The following MECOM variants were observed in gnomAD, a reference collection of about 807,000 sequenced individuals.
MECOM encodes MDS1 and EVI1 complex locus, also known as histone-lysine N-methyltransferase MECOM.
A neutral mutation model predicts 116.3 loss-of-function variants in MECOM; 13 were observed. The observed-to-expected ratio is 0.11, with a 90% CI of 0.07 to 0.18. The LOEUF (loss-of-function observed/expected upper bound fraction) is 0.18. Ranked by LOEUF, MECOM falls within the 10% of genes least tolerant of loss-of-function variation. MECOM has a pLI of 1.00. For missense variants in MECOM, 1,299 were observed against 1,509.0 expected, an observed-to-expected ratio of 0.86 and a Z score of 2.31; for synonymous variants, 528 against 535.2, an observed-to-expected ratio of 0.99 and a Z score of 0.19.
At chr3:169,102,330 G>A (rs1340478027) in intron 10 of MECOM, 104 bp from the exon 11 acceptor site, 10 of 1,049,998 alleles carry the variant, frequency 9.5e-6, no homozygotes, top group East Asian at 2.5e-5. Context: ...TGAAATCTGC[G>A]ACGGGTTGTA....
chr3:169,147,716 G>A, intron 2 of MECOM: 1 of 705,088 alleles, frequency 1.4e-6, no homozygotes, highest in Non-Finnish European at 1.6e-6. Flanking sequence ...CACAAGTGTG[G>A]TGTGTGTGTG....
chr3:169,289,503 T>C (rs1227254687), intron 2 of MECOM, among the ~76,000 whole-genome samples: 1 of 152,244 alleles, frequency 6.6e-6, no homozygotes. Context: ...TGAACCTCTT[T>C]GCTTTGTGCA....
At chr3:169,139,971 A>G (rs1737606384) in intron 3 of MECOM, among the ~76,000 whole-genome samples, 1 of 152,136 alleles carries the variant, frequency 6.6e-6, no homozygotes, top group Admixed American at 6.6e-5. Flanking sequence ...TTAAAAAAAA[A>G]AAACAATATA....
intron 1 of MECOM, among the ~76,000 whole-genome samples, chr3:169,407,815 A>G (rs931796526): frequency 6.6e-6 from 1 of 152,192 alleles, no homozygotes; most frequent in African/African-American, 2.4e-5. Context: ...GAGTCTTTAT[A>G]TTGTTATATG....
intron 2 of MECOM, among the ~76,000 whole-genome samples, chr3:169,193,024 T>C (rs1029822315): frequency 6.6e-6 from 1 of 151,904 alleles, no homozygotes; most frequent in Non-Finnish European, 1.5e-5. Context: ...AGGGGTAATA[T>C]CGAAATGACA....
intron 4 of MECOM, among the ~76,000 whole-genome samples, chr3:169,129,007 CT>C (rs559407609): frequency 3.2e-4 from 49 of 152,300 alleles, no homozygotes; most frequent in Admixed American, 8.5e-4. Flanking sequence ...CATAATCCCT[CT>C]TTTATAGACC....
chr3:169,303,525 A>G (rs746682538), intron 2 of MECOM, among the ~76,000 whole-genome samples: 11 of 152,218 alleles, frequency 7.2e-5, no homozygotes, highest in Non-Finnish European at 1.3e-4. Flanking sequence ...TGAACACTCA[A>G]GTGTAAGATA....
At chr3:169,157,236 G>GC (rs534050247) in intron 2 of MECOM, among the ~76,000 whole-genome samples, 238 of 152,248 alleles carry the variant, frequency 1.6e-3, no homozygotes, top group Middle Eastern at 3.4e-3. Flanking sequence ...CAGAATAATT[G>GC]CCCCACCCCA....
At chr3:169,097,817 T>TATTAAAAAAAAAAAAA (rs1553818439) in intron 12 of MECOM, among the ~76,000 whole-genome samples, 2 of 87,216 alleles carry the variant, frequency 2.3e-5, no homozygotes, top group South Asian at 9.1e-4. Flanking sequence ...ACTGTCTATA[T>TATTAAAAAAAAAAAAA]AAAAAAAAAA....
intron 12 of MECOM, among the ~76,000 whole-genome samples, chr3:169,096,986 G>A (rs1576878136): frequency 6.7e-6 from 1 of 149,388 alleles, no homozygotes; most frequent in South Asian, 2.1e-4. Flanking sequence ...TTTTAAATGC[G>A]TATAAAGTTA....
chr3:169,562,882 T>A (rs1454510526), intron 1 of MECOM, among the ~76,000 whole-genome samples: 1 of 151,868 alleles, frequency 6.6e-6, no homozygotes, highest in Non-Finnish European at 1.5e-5. Context: ...GCCAACATAG[T>A]GAAACCCCAT....
intron 1 of MECOM, among the ~76,000 whole-genome samples, chr3:169,502,305 G>T (rs1560363353): frequency 6.6e-6 from 1 of 152,040 alleles, no homozygotes; most frequent in African/African-American, 2.4e-5. Context: ...AAAATATTTA[G>T]AGGTTTTCAT....
intron 16 of MECOM, chr3:169,086,702 T>C (rs991167408): frequency 7.0e-6 from 4 of 569,132 alleles, no homozygotes; most frequent in Non-Finnish European, 3.1e-6. Context: ...TACCATGAAA[T>C]TAATTTTTAC....
Position 169,415,632 on chromosome 3 carries a change from AC to A in MECOM, c.38-34109del, listed in dbSNP as rs1738439867. ...CCCATCAGTGTGCTGTATTCAGGAGACCCATCTCATATGCAAAGACACACAT... is the reference window on the plus strand; with the variant it reads ...CCCATCAGTGTGCTGTATTCAGGAGACCATCTCATATGCAAAGACACACAT... On this transcript the variant is annotated intron_variant, in intron 1 of 16. Coordinates refer to ENST00000651503, the MANE Select transcript of MECOM (RefSeq NM_004991.4). Among the ~76,000 whole-genome samples, 4 of 152,190 alleles carry A rather than the reference AC, an allele frequency of 2.6e-5. No homozygotes were observed. In the South Asian group the frequency reaches 8.3e-4, roughly 32 times the overall value.
At chr3:169,547,057 T>C (rs1760804941) in intron 1 of MECOM, among the ~76,000 whole-genome samples, 1 of 152,240 alleles carries the variant, frequency 6.6e-6, no homozygotes, top group Non-Finnish European at 1.5e-5. Flanking sequence ...ATAGTTTGAC[T>C]CTGTGTCCCC....
In MECOM at chr3:169,381,086, T is replaced by A. The variant is rs879147642; in HGVS notation, c.375+101A>T. The A allele has an allele frequency of 2.1e-5, 22 of 1,037,192 alleles. No homozygotes were observed. The South Asian group carries it at 3.4e-4, about 16-fold the overall frequency. 64.2% of individuals were successfully genotyped at this position (1,037,192 alleles called of 1,614,324 possible). Reference sequence around the variant, plus strand: ...TATTCTTAAAAACCTGTTGAAAACATATTGTAACAAATATAATTTGCTTAT... The same window carrying A: ...TATTCTTAAAAACCTGTTGAAAACAAATTGTAACAAATATAATTTGCTTAT... On this transcript the variant is annotated intron_variant, in intron 2 of 16. Transcript: ENST00000651503.
chr3:169,199,695 T>A (rs568899076), intron 2 of MECOM, among the ~76,000 whole-genome samples: 2 of 152,214 alleles, frequency 1.3e-5, no homozygotes, highest in African/African-American at 4.8e-5. Context: ...CTGGGTCTTA[T>A]TGAAATCTGA....
chr3:169,387,864 C>T (rs1733619976), intron 1 of MECOM, among the ~76,000 whole-genome samples: 1 of 152,048 alleles, frequency 6.6e-6, no homozygotes. Flanking sequence ...AGGAGCTCAA[C>T]TAGGGAATTG....
At chr3:169,191,434 T>A (rs1747533762) in intron 2 of MECOM, among the ~76,000 whole-genome samples, 1 of 151,692 alleles carries the variant, frequency 6.6e-6, no homozygotes, top group African/African-American at 2.4e-5. Context: ...CGTTGAGACC[T>A]AAAGGAAAAG....
Sources: allele counts gnomAD v4.1 joint callset (sites outside exome capture counted in the v4.1 genomes callset), GRCh38; gene constraint gnomAD v4.1.1; transcripts MANE v1.5; gene names NCBI Gene and HGNC (gene_info 2026-07-23, HGNC 2026-07-21).